ADAMTS19: variants seen among roughly 807,000 people sequenced by gnomAD.
ADAMTS19 encodes the protein ADAM metallopeptidase with thrombospondin type 1 motif 19.
Under a neutral mutation model 153.3 loss-of-function variants are expected in ADAMTS19, and 93 were observed. The observed-to-expected ratio is 0.61, with a 90% CI of 0.51 to 0.72. ADAMTS19 has a LOEUF of 0.72. Ranked by LOEUF, ADAMTS19 falls within the 30% of genes least tolerant of loss-of-function variation. The probability of loss-of-function intolerance (pLI) is 0.00; values close to 1 mark genes in which losing one functional copy is unlikely to be tolerated. For synonymous variants in ADAMTS19, 600 were observed against 556.6 expected (o/e 1.08, Z -1.10); for missense variants, 1,482 against 1,552.1 (o/e 0.95, Z 0.76).
rs76121458 is a variant in ADAMTS19 at position 129,466,931 on chromosome 5, A to G, written c.747+5174A>G. ...AAGACATGGAAAGCAGTTTATGTGTAGAATGCTTGATTTTAAAAATTGTTA... is the reference window on the plus strand; with the variant it reads ...AAGACATGGAAAGCAGTTTATGTGTGGAATGCTTGATTTTAAAAATTGTTA... On this transcript the variant is annotated intron_variant, in intron 2 of 22. Coordinates refer to ENST00000274487, the MANE Select transcript of ADAMTS19 (RefSeq NM_133638.6). Among the ~76,000 whole-genome samples the G allele has an allele frequency of 3.4e-3, 519 of 152,352 alleles. 4 individuals carry two copies. Among genetic ancestry groups the G allele is most frequent in the African/African-American group, 0.012 (496 of 41,584 alleles).
At chr5:129,620,555 A>C in intron 8 of ADAMTS19, 63 bp from the exon 9 acceptor site, 1 of 1,246,888 alleles carries the variant, frequency 8.0e-7, no homozygotes, top group Non-Finnish European at 1.1e-6. Context: ...CTGCAGTTAT[A>C]AAAAGTTAAC....
At chr5:129,516,905 T>TA (rs762610066) in intron 3 of ADAMTS19, among the ~76,000 whole-genome samples, 15 of 148,454 alleles carry the variant, frequency 1.0e-4, no homozygotes, top group East Asian at 3.9e-4. Flanking sequence ...TTTTTTTTTT[T>TA]CGATGTAGGC....
chr5:129,614,236 A>G lies in ADAMTS19; in HGVS notation c.1479-6382A>G, dbSNP rs190193914. Reference sequence around the variant, plus strand: ...AAGCCTGGCAGAGACACACAAAAAAAGAGAATTTTAGACCAATATCCCTGA... The same window carrying G: ...AAGCCTGGCAGAGACACACAAAAAAGGAGAATTTTAGACCAATATCCCTGA... On this transcript the variant is annotated intron_variant, in intron 8 of 22. Coordinates refer to ENST00000274487, the MANE Select transcript of ADAMTS19 (RefSeq NM_133638.6). Among the ~76,000 whole-genome samples, 1,101 of 152,274 alleles carry G rather than the reference A, an allele frequency of 7.2e-3. 13 individuals are homozygous for G. Among genetic ancestry groups the G allele is most frequent in the African/African-American group, 0.025 (1,045 of 41,566 alleles).
chr5:129,709,219 T>C (rs905598596), intron 21 of ADAMTS19, among the ~76,000 whole-genome samples: 1 of 152,268 alleles, frequency 6.6e-6, no homozygotes, highest in East Asian at 1.9e-4. Context: ...TTCTACGTAT[T>C]CTGAGCTCAT....
At chr5:129,703,932 GTAATTT>G (rs1756026713) in intron 20 of ADAMTS19, among the ~76,000 whole-genome samples, 1 of 152,020 alleles carries the variant, frequency 6.6e-6, no homozygotes, top group African/African-American at 2.4e-5. Context: ...TCAAATTTTA[GTAATTT>G]TAATTTTGAT....
In ADAMTS19 at chr5:129,719,593, T is replaced by TC. The variant is rs74656972; in HGVS notation, c.3312+15202_3312+15203insC. Among the ~76,000 whole-genome samples the TC allele has an allele frequency of 3.3e-3, 502 of 152,246 alleles. 3 individuals carry two copies. Among genetic ancestry groups the TC allele is most frequent in the African/African-American group, 0.012 (492 of 41,540 alleles). On this transcript the variant is annotated intron_variant, in intron 21 of 22. Transcript: ENST00000274487. ...TTCAAAATCACGTATTACTTCAAAT[T>TC]ATAACTTAATGGACAAATATGGAAC...
chr5:129,607,517 G>C lies in ADAMTS19; in HGVS notation c.1478+10853G>C, dbSNP rs78428468. Among the ~76,000 whole-genome samples the C allele has an allele frequency of 5.3e-5, 8 of 152,118 alleles. No homozygotes were observed. In the East Asian group the frequency reaches 1.5e-3, roughly 29 times the overall value. On this transcript the variant is annotated intron_variant, in intron 8 of 22. Transcript: ENST00000274487. ...CATAAAGCAATTGAGTCCCAGAGTG[G>C]AAGAATCAGTTTGGGTCAAGGAATG...
At chr5:129,527,093 T>A (rs1046080409) in intron 4 of ADAMTS19, among the ~76,000 whole-genome samples, 4 of 151,868 alleles carry the variant, frequency 2.6e-5, no homozygotes, top group Admixed American at 2.6e-4. Flanking sequence ...GAGTTGATGA[T>A]TTCTGATTGT....
chr5:129,658,154 C>T (rs189945521), intron 14 of ADAMTS19, among the ~76,000 whole-genome samples: 11 of 151,956 alleles, frequency 7.2e-5, no homozygotes, highest in Non-Finnish European at 1.2e-4. Context: ...AGCATGGTGA[C>T]GCATGCCTAT....
intron 6 of ADAMTS19, among the ~76,000 whole-genome samples, chr5:129,537,264 G>A (rs1338668736): frequency 2.6e-5 from 4 of 151,768 alleles, no homozygotes; most frequent in Admixed American, 6.6e-5. Context: ...ATCATTAAAA[G>A]GTCAGGAAAC....
intron 20 of ADAMTS19, 52 bp from the exon 21 acceptor site, chr5:129,704,187 C>A (rs2127166864): frequency 1.3e-6 from 2 of 1,577,730 alleles, no homozygotes; most frequent in South Asian, 1.2e-5. Flanking sequence ...AGCCTATCAT[C>A]TATATCTCCA....
At chr5:129,706,307 C>A (rs1157543393) in intron 21 of ADAMTS19, among the ~76,000 whole-genome samples, 5 of 152,190 alleles carry the variant, frequency 3.3e-5, no homozygotes, top group African/African-American at 1.2e-4. Context: ...CAGTGGCTCA[C>A]GCCTGTAATC....
chr5:129,620,645 C>A lies in ADAMTS19; in HGVS notation c.1506C>A (p.His502Gln), dbSNP rs1327554544. Residue 502 changes from histidine (H) to glutamine (Q), a missense_variant, in exon 9 of 23, where the codon CAC (histidine) becomes CAA (glutamine). By Grantham distance (24) the His-to-Gln change is conservative (BLOSUM62 0). Around this residue, in one of 2 missense-constraint regions of ADAMTS19, gnomAD observed 866 missense variants for 827.7 expected, o/e 1.05. Transcript: ENST00000274487. ...HNMGINHDND[H>Q]PSCADGLHIM... ...TGGGCATTAACCATGACAATGACCA[C>A]CCATCGTGTGCTGATGGTCTTCATA... The A allele has an allele frequency of 1.5e-5, 24 of 1,608,310 alleles. No individual in the cohort carries two copies. Among genetic ancestry groups the A allele is most frequent in the Non-Finnish European group, 2.0e-5 (24 of 1,176,718 alleles).
At chr5:129,590,876 T>C (rs1750100899) in intron 7 of ADAMTS19, among the ~76,000 whole-genome samples, 1 of 152,244 alleles carries the variant, frequency 6.6e-6, no homozygotes, top group Non-Finnish European at 1.5e-5. Context: ...AATTACATTT[T>C]TGTTGGATTG....
intron 21 of ADAMTS19, among the ~76,000 whole-genome samples, chr5:129,716,286 C>A (rs1033323012): frequency 6.6e-6 from 1 of 152,102 alleles, no homozygotes; most frequent in African/African-American, 2.4e-5. Context: ...CATGCCTCTG[C>A]CTCCTGGGCT....
At chr5:129,652,478 G>A (rs1349207670) in intron 13 of ADAMTS19, among the ~76,000 whole-genome samples, 5 of 152,102 alleles carry the variant, frequency 3.3e-5, no homozygotes, top group Non-Finnish European at 7.4e-5. Context: ...GCCAAAATTT[G>A]GCTGAAATCC....
chr5:129,546,893 A>G (rs977933000), intron 6 of ADAMTS19, among the ~76,000 whole-genome samples: 7 of 151,140 alleles, frequency 4.6e-5, no homozygotes, highest in Non-Finnish European at 8.8e-5. Context: ...AGATGGAACC[A>G]TAATTTCAGA....
intron 2 of ADAMTS19, among the ~76,000 whole-genome samples, chr5:129,471,344 T>A (rs1163507243): frequency 6.6e-6 from 1 of 150,892 alleles, no homozygotes; most frequent in Admixed American, 6.6e-5. Context: ...ACAGCCTGGG[T>A]GACAGAGTGA....
chr5:129,572,570 A>C (rs542624510), intron 7 of ADAMTS19, among the ~76,000 whole-genome samples: 1 of 152,166 alleles, frequency 6.6e-6, no homozygotes, highest in African/African-American at 2.4e-5. Flanking sequence ...CATCCATACA[A>C]GGAAATGCTA....
Sources: allele counts gnomAD v4.1 joint callset (sites outside exome capture counted in the v4.1 genomes callset), GRCh38; gene constraint gnomAD v4.1.1; regional missense constraint gnomAD v4.1.1; transcripts MANE v1.5; gene names NCBI Gene and HGNC (gene_info 2026-07-23, HGNC 2026-07-21).